The following AFAP1L2 variants were observed in gnomAD, a reference collection of about 807,000 sequenced individuals.
AFAP1L2 encodes actin filament-associated protein 1-like 2.
In AFAP1L2, 46 loss-of-function variants were observed where a neutral mutation model predicts 99.3. That is an observed-to-expected ratio of 0.46 (90% CI 0.37 to 0.59). AFAP1L2 has a LOEUF of 0.59. Ranked by LOEUF, AFAP1L2 falls within the 20% of genes least tolerant of loss-of-function variation. The pLI is 0.00. For synonymous variants in AFAP1L2, 397 were observed against 419.1 expected (o/e 0.95, Z 0.64); for missense variants, 959 against 1,034.9 (o/e 0.93, Z 1.01).
intron 1 of AFAP1L2, among the ~76,000 whole-genome samples, chr10:114,342,839 C>G (rs530839603): frequency 6.6e-6 from 1 of 152,226 alleles, no homozygotes; most frequent in African/African-American, 2.4e-5. Context: ...CTGAGACATC[C>G]TCTCACAGCT....
chr10:114,403,046 A>G (rs1420383744), intron 1 of AFAP1L2, among the ~76,000 whole-genome samples: 1 of 152,240 alleles, frequency 6.6e-6, no homozygotes, highest in Non-Finnish European at 1.5e-5. Context: ...CAAGTGTCTG[A>G]GACAGCATAA....
At chr10:114,397,749 C>G (rs775383160) in intron 1 of AFAP1L2, among the ~76,000 whole-genome samples, 3 of 152,316 alleles carry the variant, frequency 2.0e-5, no homozygotes, top group Non-Finnish European at 4.4e-5. Context: ...TGGTTGCTGT[C>G]TCTGAGCTAA....
chr10:114,317,549 A>G (rs1191995443), intron 5 of AFAP1L2, among the ~76,000 whole-genome samples: 1 of 152,166 alleles, frequency 6.6e-6, no homozygotes, highest in Non-Finnish European at 1.5e-5. Flanking sequence ...ATTTTATCCT[A>G]GGAAACTAGT....
At chr10:114,341,520 G>A in intron 1 of AFAP1L2, among the ~76,000 whole-genome samples, 1 of 151,972 alleles carries the variant, frequency 6.6e-6, no homozygotes. Flanking sequence ...GGCTGAGGCA[G>A]GAGAATCGCT....
downstream of AFAP1L2, chr10:114,290,011 G>T: frequency 7.8e-5 from 25 of 321,248 alleles, no homozygotes; most frequent in Non-Finnish European, 1.2e-4. Context: ...AAAAAAAAAA[G>T]TCTGCCATGT....
At chr10:114,312,678 T>A (rs2043443178) in intron 7 of AFAP1L2, among the ~76,000 whole-genome samples, 1 of 152,226 alleles carries the variant, frequency 6.6e-6, no homozygotes, top group Admixed American at 6.5e-5. Context: ...GGCTCTTAAA[T>A]GCCCAGGGCT....
intron 11 of AFAP1L2, among the ~76,000 whole-genome samples, chr10:114,303,056 A>ATT (rs144529481): frequency 1.1e-4 from 17 of 151,482 alleles, no homozygotes; most frequent in African/African-American, 3.6e-4. Context: ...TGAATTTGGT[A>ATT]TTTTTTTTTC....
chr10:114,308,201 T>C (rs960560416), intron 9 of AFAP1L2, among the ~76,000 whole-genome samples: 9 of 152,178 alleles, frequency 5.9e-5, no homozygotes, highest in Non-Finnish European at 1.2e-4. Context: ...AGATTTGAAA[T>C]AGGGTTAGCA....
chr10:114,294,779 A>C, downstream of AFAP1L2: 1 of 957,870 alleles, frequency 1.0e-6, no homozygotes, highest in Non-Finnish European at 1.2e-6. Flanking sequence ...TCCCTTGAGA[A>C]CCCCCCAGGC....
At chr10:114,327,173 A>ATATTT (rs1491191152) in intron 4 of AFAP1L2, among the ~76,000 whole-genome samples, 19 of 18,700 alleles carry the variant, frequency 1.0e-3, no homozygotes, top group African/African-American at 2.2e-3. Context: ...ATATATATAT[A>ATATTT]TTTTTTTTTT....
In AFAP1L2 at chr10:114,315,561, A is replaced by G. The variant is rs2043993455; in HGVS notation, c.611T>C (p.Leu204Pro). The G allele has an allele frequency of 1.2e-6, 2 of 1,614,054 alleles. No homozygotes were observed. The highest frequency in any genetic ancestry group is 1.7e-6 in the Non-Finnish European group (2 of 1,179,988). Residue 204 changes from leucine (L) to proline (P), a missense_variant and splice_region_variant, in exon 6 of 19, where the codon CTG becomes CCG. Leu to Pro is a moderately conservative substitution (Grantham distance 98, BLOSUM62 -3). This residue lies in a region of AFAP1L2 where 383 missense variants were observed against 472.8 expected (regional missense o/e 0.81). Coordinates refer to ENST00000304129, the MANE Select transcript of AFAP1L2 (RefSeq NM_001001936.3). ...QLCVIKDNRL[L>P]CYKSSKDHSP... ...CAAGACGACGTAAGGCAGACTGACC[A>G]GAAGCCTGTTGTCCTTGATGACACA...
At chr10:114,347,921 C>T (rs920545252) in intron 1 of AFAP1L2, among the ~76,000 whole-genome samples, 3 of 152,294 alleles carry the variant, frequency 2.0e-5, no homozygotes, top group East Asian at 1.9e-4. Flanking sequence ...TATCTAGTTC[C>T]AGAACTTTTT....
chr10:114,404,498 G>A lies in AFAP1L2; in HGVS notation c.-43C>T, dbSNP rs775703904. On this transcript the variant is annotated 5_prime_UTR_variant, in exon 1 of 19. Coordinates refer to ENST00000304129, the MANE Select transcript of AFAP1L2 (RefSeq NM_001001936.3). ...CTCCTCGCGGCTCGGCTTCTGCGCT[G>A]CTCTCCCGGCGCTCGGCTCAGCGCC... The A allele has an allele frequency of 2.0e-6, 3 of 1,525,602 alleles. No individual in the cohort carries two copies. The highest frequency in any genetic ancestry group is 2.6e-6 in the Non-Finnish European group (3 of 1,141,116). 94.5% of individuals were successfully genotyped at this position (1,525,602 alleles called of 1,614,324 possible).
At chr10:114,381,514 T>C (rs1315506693) in intron 1 of AFAP1L2, among the ~76,000 whole-genome samples, 2 of 152,196 alleles carry the variant, frequency 1.3e-5, no homozygotes, top group Non-Finnish European at 2.9e-5. Flanking sequence ...AGCCATCAAA[T>C]TGTACACTTT....
chr10:114,404,616 C>T (rs1589562062), upstream of AFAP1L2: 2 of 1,066,312 alleles, frequency 1.9e-6, no homozygotes, highest in South Asian at 6.0e-5. Context: ...GACCTGGCCC[C>T]CGCCAGGGCT....
intron 1 of AFAP1L2, among the ~76,000 whole-genome samples, chr10:114,359,508 C>T (rs1336378414): frequency 2.6e-5 from 4 of 152,328 alleles, no homozygotes; most frequent in African/African-American, 9.6e-5. Flanking sequence ...TCTGAGTCAT[C>T]TGCAAATGGA....
At chr10:114,339,664 T>C (rs2048496867) in intron 2 of AFAP1L2, among the ~76,000 whole-genome samples, 1 of 152,054 alleles carries the variant, frequency 6.6e-6, no homozygotes, top group Non-Finnish European at 1.5e-5. Flanking sequence ...GGTAACTAAG[T>C]TAAAATAAGA....
chr10:114,397,497 G>C (rs622320), intron 1 of AFAP1L2, among the ~76,000 whole-genome samples: 132,374 of 151,754 alleles, frequency 0.87, 58,025 homozygotes, highest in Middle Eastern at 0.94. Context: ...TCCAGCTCAT[G>C]TTTGCTATGG....
downstream of AFAP1L2, among the ~76,000 whole-genome samples, chr10:114,292,060 C>T (rs1035198809): frequency 1.3e-5 from 2 of 151,984 alleles, no homozygotes; most frequent in Non-Finnish European, 2.9e-5. Flanking sequence ...GTGGATCACC[C>T]GAGGTCAGGA....
Sources: gnomAD v4.1 joint callset for allele counts (sites outside exome capture counted in the v4.1 genomes callset) on GRCh38, gnomAD v4.1.1 for gene constraint, gnomAD v4.1.1 regional missense constraint, MANE v1.5 for transcripts, NCBI Gene and HGNC (gene_info 2026-07-23, HGNC 2026-07-21) for gene names.